The following MTMR8 variants were observed in gnomAD, a reference collection of about 807,000 sequenced individuals.
The protein encoded by MTMR8 is phosphatidylinositol-3,5-bisphosphate 3-phosphatase MTMR8.
MTMR8 carries 65 observed loss-of-function variants against 39.3 expected under a neutral mutation model. That is an observed-to-expected ratio of 1.65 (90% confidence interval 1.35 to 2.03). The LOEUF (loss-of-function observed/expected upper bound fraction) is 2.03, where lower values mean the gene tolerates loss of function less well. Among genes scored for constraint, MTMR8 ranks in the 30% most tolerant of loss-of-function variants. The pLI is 0.00. For synonymous variants in MTMR8, 245 were observed against 185.2 expected (o/e 1.32, Z -2.62); for missense variants, 777 against 538.9 (o/e 1.44, Z -4.37).
At chrX:64,286,854 T>A (rs1168447573) in intron 12 of MTMR8, among the ~76,000 whole-genome samples, 1 of 111,513 alleles carries the variant, frequency 9.0e-6, no homozygotes, top group Non-Finnish European at 1.9e-5. Flanking sequence ...ACAGCCAATA[T>A]CATACTGAAT....
chrX:64,318,428 T>C (rs1922532990), intron 12 of MTMR8, among the ~76,000 whole-genome samples: 1 of 111,651 alleles, frequency 9.0e-6, no homozygotes, highest in South Asian at 3.8e-4. Flanking sequence ...ATTTGTGGCT[T>C]TTTTTTCTGT....
At chrX:64,324,628 T>A (rs1232535339) in intron 12 of MTMR8, among the ~76,000 whole-genome samples, 3 of 109,789 alleles carry the variant, frequency 2.7e-5, no homozygotes, top group Middle Eastern at 4.6e-3. Flanking sequence ...AAGGCTGCAG[T>A]CAACCATGAT....
intron 1 of MTMR8, among the ~76,000 whole-genome samples, chrX:64,388,766 A>G (rs756712691): frequency 8.9e-6 from 1 of 112,646 alleles, no homozygotes; most frequent in South Asian, 3.7e-4. Flanking sequence ...ATAGGGGAAC[A>G]CTGGGTGAAA....
chrX:64,385,147 C>T (rs1273731918), intron 1 of MTMR8, among the ~76,000 whole-genome samples: 1 of 112,250 alleles, frequency 8.9e-6, no homozygotes, highest in Non-Finnish European at 1.9e-5. Context: ...CAAACTTCCA[C>T]AGATCCCTAG....
At chrX:64,272,388 G>T (rs1305207662) in intron 12 of MTMR8, among the ~76,000 whole-genome samples, 2 of 110,821 alleles carry the variant, frequency 1.8e-5, no homozygotes, top group African/African-American at 6.6e-5. Flanking sequence ...AATAACTGAA[G>T]AATCCAATAG....
intron 7 of MTMR8, among the ~76,000 whole-genome samples, chrX:64,344,675 T>C (rs1923303855): frequency 9.0e-6 from 1 of 111,505 alleles, no homozygotes; most frequent in African/African-American, 3.3e-5. Context: ...TTATACCAAA[T>C]TAAAGAAGAT....
rs1182500501 is a variant in MTMR8 at position 64,309,803 on chromosome X, T to C, written c.1481+18969A>G. Among the ~76,000 whole-genome samples the C allele has an allele frequency of 4.4e-5, 5 of 112,636 alleles. No homozygotes were observed. The East Asian group carries it at 1.1e-3, about 25-fold the overall frequency. ...TATGTTTACAATATACTGTAGTCTATTAAGTATGCAACAACATTATATCTA... is the reference window on the plus strand; with the variant it reads ...TATGTTTACAATATACTGTAGTCTACTAAGTATGCAACAACATTATATCTA... On this transcript the variant is annotated intron_variant, in intron 12 of 13. Transcript: ENST00000374852.
rs758402914 is a variant in MTMR8, at chrX:64,362,034, C to T, written c.25-2507G>A. Among the ~76,000 whole-genome samples the T allele has an allele frequency of 2.4e-4, 27 of 110,319 alleles. No individual in the cohort carries two copies. In the South Asian group the frequency reaches 1.0e-2, roughly 41 times the overall value. On this transcript the variant is annotated intron_variant, in intron 1 of 13. Transcript: ENST00000374852. ...CAATAACATTTTCCTATATCAGCAA[C>T]GATCACTTAAAAAACATAATTAAAA...
rs752191735 is a variant in MTMR8 at position 64,268,910 on chromosome X, G to A, written c.1742C>T (p.Thr581Ile). The A allele has an allele frequency of 8.3e-7, 1 of 1,209,765 alleles. No individual in the cohort carries two copies. The highest frequency in any genetic ancestry group is 1.8e-5 in the African/African-American group (1 of 57,047). The change falls in exon 14 of 14, where the codon ACC becomes ATC. Residue 581 changes from threonine to isoleucine, a missense_variant. By Grantham distance (89) the Thr-to-Ile change is moderately conservative. Coordinates refer to ENST00000374852, the MANE Select transcript of MTMR8 (RefSeq NM_017677.4). ...GGATAGGGTGCCATTCTCCATCAGG[G>A]TATTCAGGTCTCCATTGATACCCAT... ...GFMGINGDLN[T>I]LMENGTLSRE...
At chrX:64,350,485 TC>T (rs1161989801) in intron 4 of MTMR8, among the ~76,000 whole-genome samples, 1 of 111,796 alleles carries the variant, frequency 8.9e-6, no homozygotes, top group Non-Finnish European at 1.9e-5. Context: ...TACATTTTGT[TC>T]TTATATGTCT....
chrX:64,317,191 T>A (rs1922493066), intron 12 of MTMR8, among the ~76,000 whole-genome samples: 1 of 111,651 alleles, frequency 9.0e-6, no homozygotes, highest in East Asian at 2.8e-4. Context: ...ATTTGGGGTT[T>A]ATCCTGTTTG....
chrX:64,274,147 A>G (rs951877217), intron 12 of MTMR8, among the ~76,000 whole-genome samples: 1 of 111,782 alleles, frequency 8.9e-6, no homozygotes, highest in African/African-American at 3.2e-5. Flanking sequence ...TAACAGTACA[A>G]TACACATTCT....
rs1602098014 is a variant in MTMR8, at chrX:64,268,456, GA to G, written c.*80del. 1 of 1,117,767 alleles carries G rather than the reference GA, an allele frequency of 8.9e-7. No individual in the cohort carries two copies. The allele number at this position is 1,117,767 out of a possible 1,213,427, so 92.1% of individuals were successfully genotyped here. A position where few individuals can be genotyped will look rare whatever the true frequency, so the allele number is the denominator to read the frequency against. On this transcript the variant is annotated 3_prime_UTR_variant, in exon 14 of 14. Coordinates refer to ENST00000374852, the MANE Select transcript of MTMR8 (RefSeq NM_017677.4). ...TGGCTTCACCCACTTAAACCAATTGGAAAAGCAGCATAGCCCTCTCTGGGAC... is the reference window on the plus strand; with the variant it reads ...TGGCTTCACCCACTTAAACCAATTGGAAAGCAGCATAGCCCTCTCTGGGAC...
Position 64,294,789 on chromosome X carries a change from C to T in MTMR8, c.1482-23716G>A, listed in dbSNP as rs1921513896. 2.7e-5 allele frequency among the ~76,000 whole-genome samples: 3 copies of T among 111,264 alleles called. 1 individual carries two copies. In the South Asian group the frequency reaches 1.1e-3, roughly 42 times the overall value. ...GGTCTCATTTATAAGGGAACTAATC[C>T]CATTCATGAGGGCTTTGCCTTCTCT... On this transcript the variant is annotated intron_variant, in intron 12 of 13. Coordinates refer to ENST00000374852, the MANE Select transcript of MTMR8 (RefSeq NM_017677.4).
chrX:64,367,058 G>A (rs1363008967), intron 1 of MTMR8, among the ~76,000 whole-genome samples: 1 of 111,621 alleles, frequency 9.0e-6, no homozygotes, highest in African/African-American at 3.3e-5. Context: ...ACTAAACTAG[G>A]AAGAAGTTGA....
intron 12 of MTMR8, chrX:64,305,228 C>A: frequency 6.0e-6 from 1 of 166,488 alleles, no homozygotes; most frequent in South Asian, 1.2e-4. Context: ...TCAATTTTCT[C>A]CAGTCCTCCA....
At chrX:64,321,537 G>A (rs1354539651) in intron 12 of MTMR8, among the ~76,000 whole-genome samples, 4 of 111,295 alleles carry the variant, frequency 3.6e-5, no homozygotes, top group African/African-American at 1.3e-4. Context: ...CCCTGTCTGT[G>A]AGACAAAAAG....
rs1024161109 is a variant in MTMR8 at position 64,268,579 on chromosome X, G to T, written c.2073C>A (p.Ser691=). 9 of 1,210,617 alleles carry T rather than the reference G, an allele frequency of 7.4e-6. No individual in the cohort carries two copies. The highest frequency in any genetic ancestry group is 1.0e-5 in the Non-Finnish European group (9 of 895,076). The change falls in exon 14 of 14, where the codon TCC becomes TCA. Residue 691 remains serine (S), a synonymous_variant. Coordinates refer to ENST00000374852, the MANE Select transcript of MTMR8 (RefSeq NM_017677.4). The stretch of plus-strand genomic sequence containing the variant: ...AGTCTGCCTCCTTGGTGCTGGCCTT[G>T]GAGATGCCTGTGTCCCCCAAGATGC... ...DMGILGDTGI[S]KASTKEADYS...
Position 64,291,178 on chromosome X carries a change from C to T in MTMR8, c.1482-20105G>A, listed in dbSNP as rs146915160. Among the ~76,000 whole-genome samples the T allele has an allele frequency of 1.7e-4, 19 of 111,458 alleles. No homozygotes were observed. The East Asian group carries it at 5.1e-3, about 30-fold the overall frequency. On this transcript the variant is annotated intron_variant, in intron 12 of 13. Transcript: ENST00000374852. The stretch of plus-strand genomic sequence containing the variant: ...GGGAACTCATTCACTCAAAAGCCTG[C>T]TAGTACCAAACTCAAATTTTTACAC...
Sources: allele counts gnomAD v4.1 joint callset (sites outside exome capture counted in the v4.1 genomes callset), GRCh38; gene constraint gnomAD v4.1.1; transcripts MANE v1.5; gene names NCBI Gene and HGNC (gene_info 2026-07-23, HGNC 2026-07-21).